The following RPS6KC1 variants were observed in gnomAD, a reference collection of about 807,000 sequenced individuals.
RPS6KC1 encodes inactive ribosomal protein S6 kinase delta-1.
A neutral mutation model predicts 103.8 loss-of-function variants in RPS6KC1; 54 were observed. That is an observed-to-expected ratio of 0.52 (90% confidence interval 0.42 to 0.65). RPS6KC1 has a LOEUF of 0.65. Ranked by LOEUF, RPS6KC1 falls within the 30% of genes least tolerant of loss-of-function variation. The pLI is 0.00. For missense variants in RPS6KC1, 1,151 were observed against 1,253.8 expected, an observed-to-expected ratio of 0.92 and a Z score of 1.24; for synonymous variants, 439 against 438.7, an observed-to-expected ratio of 1.00 and a Z score of -0.01.
At chr1:213,791,520 T>C in the RPS6KC1 span, among the ~76,000 whole-genome samples, 1 of 152,148 alleles carries the variant, frequency 6.6e-6, no homozygotes, top group Non-Finnish European at 1.5e-5. Context: ...TCTTCTATTC[T>C]CATGGGAATT....
At chr1:213,131,051 G>C (rs1452796114) in intron 6 of RPS6KC1, among the ~76,000 whole-genome samples, 1 of 152,046 alleles carries the variant, frequency 6.6e-6, no homozygotes, top group Non-Finnish European at 1.5e-5. Flanking sequence ...TAGAGTTTCT[G>C]GAGGGAGAAT....
chr1:213,104,744 T>C (rs988896158), intron 4 of RPS6KC1, among the ~76,000 whole-genome samples, 175 bp downstream of exon 4: 3 of 133,404 alleles, frequency 2.2e-5, no homozygotes, highest in Admixed American at 7.3e-5. Flanking sequence ...AAATTTATGC[T>C]TTTTTTTTTT....
At chr1:213,635,212 A>T in the RPS6KC1 span, among the ~76,000 whole-genome samples, 9 of 152,214 alleles carry the variant, frequency 5.9e-5, 1 homozygote, top group Admixed American at 5.9e-4. Flanking sequence ...AGCTGGTACC[A>T]TTCCTTCTGA....
chr1:213,216,734 A>G (rs528125834), intron 8 of RPS6KC1, among the ~76,000 whole-genome samples: 184 of 152,354 alleles, frequency 1.2e-3, no homozygotes, highest in Middle Eastern at 3.4e-3. Flanking sequence ...AAACCACTCA[A>G]CTACATGGAA....
At chr1:213,415,106 AGGTTTACT>A in the RPS6KC1 span, among the ~76,000 whole-genome samples, 1 of 152,216 alleles carries the variant, frequency 6.6e-6, no homozygotes, top group East Asian at 1.9e-4. Context: ...TATTAACTCA[AGGTTTACT>A]ATGAGCAAAG....
chr1:213,861,207 G>A, the RPS6KC1 span, among the ~76,000 whole-genome samples: 1 of 152,194 alleles, frequency 6.6e-6, no homozygotes, highest in Non-Finnish European at 1.5e-5. Flanking sequence ...AGCTGATAGA[G>A]GGCTGATTCA....
At chr1:213,564,689 C>G in the RPS6KC1 span, among the ~76,000 whole-genome samples, 1 of 152,160 alleles carries the variant, frequency 6.6e-6, no homozygotes, top group Admixed American at 6.5e-5. Context: ...TGCAGGATCC[C>G]CTCCTCTGAG....
At chr1:213,685,142 T>G in the RPS6KC1 span, among the ~76,000 whole-genome samples, 11 of 152,142 alleles carry the variant, frequency 7.2e-5, no homozygotes, top group Non-Finnish European at 1.3e-4. Flanking sequence ...CATGCTTGAG[T>G]CTTCTTCCTG....
chr1:213,468,512 A>T, the RPS6KC1 span, among the ~76,000 whole-genome samples: 1 of 152,204 alleles, frequency 6.6e-6, no homozygotes, highest in Non-Finnish European at 1.5e-5. Flanking sequence ...GAAGCAGGGA[A>T]AGGGTTAAAT....
chr1:213,129,415 C>A, intron 5 of RPS6KC1, 112 bp from the exon 6 acceptor site: 2 of 1,193,710 alleles, frequency 1.7e-6, no homozygotes, highest in Non-Finnish European at 2.3e-6. Flanking sequence ...CAGTAAATTA[C>A]AGCCTTCCAA....
At chr1:213,245,750 A>T (rs916931464) in intron 12 of RPS6KC1, among the ~76,000 whole-genome samples, 5 of 152,192 alleles carry the variant, frequency 3.3e-5, no homozygotes, top group Non-Finnish European at 5.9e-5. Flanking sequence ...AAATAAGTTT[A>T]AAAAAGAAAA....
At chr1:213,292,983 T>C in the RPS6KC1 span, among the ~76,000 whole-genome samples, 1 of 152,200 alleles carries the variant, frequency 6.6e-6, no homozygotes, top group African/African-American at 2.4e-5. Flanking sequence ...ATGTGAAAAG[T>C]TTACTTCAGG....
chr1:213,262,777 A>C lies in RPS6KC1; in HGVS notation c.3051A>C (p.Pro1017=), dbSNP rs1291191220. ...GINTHTTLNM[P]ECVSEEARSL... is the part of the protein sequence containing the mutation. ...ATACTCACACTACTTTGAACATGCCAGAATGTGTCTCTGAAGAGGCTCGCT... is the reference window on the plus strand; with the variant it reads ...ATACTCACACTACTTTGAACATGCCCGAATGTGTCTCTGAAGAGGCTCGCT... The change falls in exon 14 of 15, where the codon CCA becomes CCC. Residue 1017 remains proline, a synonymous_variant. Coordinates refer to ENST00000366960, the MANE Select transcript of RPS6KC1 (RefSeq NM_012424.6). 6.2e-7 allele frequency: 1 copy of C among 1,613,432 alleles called. No individual in the cohort carries two copies. Among genetic ancestry groups the C allele is most frequent in the South Asian group, 1.1e-5 (1 of 91,072 alleles).
intron 1 of RPS6KC1, among the ~76,000 whole-genome samples, chr1:213,062,521 A>G (rs1323480926): frequency 6.6e-6 from 1 of 152,160 alleles, no homozygotes; most frequent in Non-Finnish European, 1.5e-5. Context: ...GTGATTTCTA[A>G]TCATCATTAT....
At chr1:213,549,527 C>A in the RPS6KC1 span, among the ~76,000 whole-genome samples, 1 of 151,752 alleles carries the variant, frequency 6.6e-6, no homozygotes, top group Non-Finnish European at 1.5e-5. Flanking sequence ...TTCTCTTCTA[C>A]CTTTTAATTC....
At chr1:213,822,983 G>A in the RPS6KC1 span, among the ~76,000 whole-genome samples, 1 of 152,126 alleles carries the variant, frequency 6.6e-6, no homozygotes, top group Non-Finnish European at 1.5e-5. Flanking sequence ...ATACTCCAAT[G>A]TCTTCCAATA....
chr1:213,078,016 A>G (rs2079505889), intron 3 of RPS6KC1, among the ~76,000 whole-genome samples, 200 bp downstream of exon 3: 1 of 152,150 alleles, frequency 6.6e-6, no homozygotes, highest in African/African-American at 2.4e-5. Flanking sequence ...CTTCCTATCT[A>G]TGAAACAAAA....
the RPS6KC1 span, among the ~76,000 whole-genome samples, chr1:213,363,657 T>G: frequency 7.8e-4 from 58 of 74,458 alleles, 3 homozygotes; most frequent in East Asian, 2.4e-3. Flanking sequence ...TTTCTTTCTT[T>G]CTTTCTTTCT....
chr1:213,784,339 C>A, the RPS6KC1 span, among the ~76,000 whole-genome samples: 1 of 152,202 alleles, frequency 6.6e-6, no homozygotes, highest in African/African-American at 2.4e-5. Flanking sequence ...CTTGGAACCT[C>A]ACACACATGA....
Sources: gnomAD v4.1 joint callset for allele counts (sites outside exome capture counted in the v4.1 genomes callset) on GRCh38, gnomAD v4.1.1 for gene constraint, MANE v1.5 for transcripts, NCBI Gene and HGNC (gene_info 2026-07-23, HGNC 2026-07-21) for gene names.